Variants in MAL2 observed in about 807,000 individuals in gnomAD.
MAL2 encodes mal, T cell differentiation protein 2.
Under a neutral mutation model 18.1 loss-of-function variants are expected in MAL2, and 17 were observed. The observed-to-expected ratio is 0.94, with a 90% CI of 0.64 to 1.41. The LOEUF is 1.41. Ranked by LOEUF, MAL2 falls within the 40% of genes most tolerant of loss-of-function variation. MAL2 has a pLI of 0.00. For synonymous variants in MAL2, 102 were observed against 102.3 expected, an observed-to-expected ratio of 1.00 and a Z score of 0.02; for missense variants, 222 against 231.9, an observed-to-expected ratio of 0.96 and a Z score of 0.28.
At position 119,227,309 on chromosome 8, in the gene MAL2, TTTG is replaced by T. The variant is rs553658976; in HGVS notation, c.303+5564_303+5566del. ...GTTTTGGTTTGGGCTTTTTGTGCAT[TTTG>T]TTGTTGTTGTTATTGTTTAAGGGAA... On this transcript the variant is annotated intron_variant, in intron 2 of 3. Coordinates refer to ENST00000614891, the MANE Select transcript of MAL2 (RefSeq NM_052886.3). 4.1e-4 allele frequency among the ~76,000 whole-genome samples: 62 copies of T among 152,256 alleles called. No homozygotes were observed. The Middle Eastern group carries it at 0.01, about 25-fold the overall frequency.
At chr8:119,221,163 G>A (rs1036090109) in intron 1 of MAL2, 1 of 166,110 alleles carries the variant, frequency 6.0e-6, no homozygotes, top group Non-Finnish European at 1.3e-5. Context: ...GGTTTATAGT[G>A]ATGTGAAGAG....
rs1351180083 is a variant in MAL2, at chr8:119,245,569, G to A, written c.*2081G>A. The A allele has an allele frequency of 1.3e-5, 2 of 152,552 alleles. No individual in the cohort carries two copies. The highest frequency in any genetic ancestry group is 2.9e-5 in the Non-Finnish European group (2 of 68,018). The allele number at this position is 152,552 out of a possible 1,614,324, so 9.4% of individuals were successfully genotyped here. A position where few individuals can be genotyped will look rare whatever the true frequency, so the allele number is the denominator to read the frequency against. ...TTTAAGAATTTAACATGTCTTAGCT[G>A]TAAAAATGAGAAAGTGTTGGTTGGT... On this transcript the variant is annotated 3_prime_UTR_variant, in exon 4 of 4. Coordinates refer to ENST00000614891, the MANE Select transcript of MAL2 (RefSeq NM_052886.3).
At chr8:119,219,157 T>C (rs1817414624) in intron 1 of MAL2, among the ~76,000 whole-genome samples, 3 of 152,232 alleles carry the variant, frequency 2.0e-5, no homozygotes, top group Admixed American at 1.3e-4. Flanking sequence ...ATTTATTTCA[T>C]AACACTTTCT....
At chr8:119,223,781 TTTC>T (rs1218954217) in intron 2 of MAL2, 3 of 152,200 alleles carry the variant, frequency 2.0e-5, no homozygotes, top group South Asian at 2.1e-4. Context: ...CTTCTCTTTT[TTTC>T]TTCTTTTGTG....
chr8:119,225,041 C>T (rs1817555418), intron 2 of MAL2, among the ~76,000 whole-genome samples: 1 of 151,884 alleles, frequency 6.6e-6, no homozygotes, highest in Non-Finnish European at 1.5e-5. Flanking sequence ...ACGAGGATCC[C>T]CCTATAGACG....
At chr8:119,235,858 A>T (rs1348565644) in intron 2 of MAL2, among the ~76,000 whole-genome samples, 1 of 125,844 alleles carries the variant, frequency 7.9e-6, no homozygotes, top group Non-Finnish European at 1.6e-5. Context: ...TGTAAAGACC[A>T]TCAAGACTAG....
At chr8:119,212,466 C>T (rs1817282037) in intron 1 of MAL2, among the ~76,000 whole-genome samples, 1 of 152,186 alleles carries the variant, frequency 6.6e-6, no homozygotes, top group Non-Finnish European at 1.5e-5. Flanking sequence ...TACTATGCAT[C>T]AAGCCTTCTT....
chr8:119,228,186 A>G (rs1434636447), intron 2 of MAL2, among the ~76,000 whole-genome samples: 1 of 152,092 alleles, frequency 6.6e-6, no homozygotes, highest in African/African-American at 2.4e-5. Flanking sequence ...TACCTTTGTC[A>G]AGATGGTAAC....
intron 2 of MAL2, among the ~76,000 whole-genome samples, chr8:119,233,160 C>T (rs1439219438): frequency 6.6e-6 from 1 of 152,082 alleles, no homozygotes; most frequent in Non-Finnish European, 1.5e-5. Flanking sequence ...ATCTCTGGGA[C>T]ACATTCAAAG....
intron 2 of MAL2, among the ~76,000 whole-genome samples, chr8:119,230,433 C>G (rs1454742004): frequency 6.7e-6 from 1 of 149,044 alleles, no homozygotes; most frequent in African/African-American, 2.5e-5. Flanking sequence ...GCAAAATTGG[C>G]AGGATTGGGG....
At chr8:119,220,362 G>A (rs1272801209) in intron 1 of MAL2, among the ~76,000 whole-genome samples, 1 of 152,154 alleles carries the variant, frequency 6.6e-6, no homozygotes, top group African/African-American at 2.4e-5. Context: ...TGGTCTAACA[G>A]TCTCCTGTGT....
In MAL2 at chr8:119,221,943, G is replaced by A. The variant is rs546895878; in HGVS notation, c.303+186G>A. Among the ~76,000 whole-genome samples, 36 of 152,070 alleles carry A rather than the reference G, an allele frequency of 2.4e-4. No individual in the cohort carries two copies. In the East Asian group the frequency reaches 3.7e-3, roughly 16 times the overall value. The stretch of plus-strand genomic sequence containing the variant: ...GATGGACAACAGGGCCCCAGTTTGC[G>A]AAATCTCTGTGTTGATAGAGCTGAG... On this transcript the variant is annotated intron_variant, in intron 2 of 3. Transcript: ENST00000614891.
chr8:119,234,375 C>G (rs1287312058), intron 2 of MAL2, among the ~76,000 whole-genome samples: 3 of 152,190 alleles, frequency 2.0e-5, no homozygotes, highest in Admixed American at 6.5e-5. Flanking sequence ...GGCAACAAGG[C>G]TGGGGGAGGG....
intron 3 of MAL2, among the ~76,000 whole-genome samples, chr8:119,240,905 T>G (rs1818034878): frequency 6.6e-6 from 1 of 152,188 alleles, no homozygotes; most frequent in Non-Finnish European, 1.5e-5. Context: ...CATCTTTAAT[T>G]CGTATACTGG....
Position 119,208,520 on chromosome 8 carries a change from G to C in MAL2, c.48G>C (p.Val16=). The change falls in exon 1 of 4, where the codon GTG becomes GTC. Residue 16 remains valine (V), a synonymous_variant. Coordinates refer to ENST00000614891, the MANE Select transcript of MAL2 (RefSeq NM_052886.3). The surrounding 1 kb of genome is among the most constrained non-coding windows in gnomAD (Gnocchi z 4.3). The stretch of plus-strand genomic sequence containing the variant: ...TCCCGCCGCCCCCGAACCCCGCCGT[G>C]TCCTTCCCGCCGCCCCGGGTCACCC... ...ASVPPPPNPA[V]SFPPPRVTLP... 7.2e-7 allele frequency: 1 copy of C among 1,382,086 alleles called. No homozygotes were observed. The highest frequency in any genetic ancestry group is 9.4e-7 in the Non-Finnish European group (1 of 1,063,816). The allele number at this position is 1,382,086 out of a possible 1,614,324, so 85.6% of individuals were successfully genotyped here.
At position 119,241,694 on chromosome 8, in the gene MAL2, G is replaced by A. The variant is rs541136274; in HGVS notation, c.459+1374G>A. Among the ~76,000 whole-genome samples the A allele has an allele frequency of 7.9e-5, 12 of 152,252 alleles. No individual in the cohort carries two copies. The South Asian group carries it at 2.5e-3, about 32-fold the overall frequency. ...ATTTGTCAAAATTTATTGAGTGCCT[G>A]CAATGAATTAGGCTGAAGGTGGGAT... On this transcript the variant is annotated intron_variant, in intron 3 of 3. Coordinates refer to ENST00000614891, the MANE Select transcript of MAL2 (RefSeq NM_052886.3).
At chr8:119,232,962 A>T (rs1386057031) in intron 2 of MAL2, among the ~76,000 whole-genome samples, 1 of 152,190 alleles carries the variant, frequency 6.6e-6, no homozygotes, top group Non-Finnish European at 1.5e-5. Flanking sequence ...ACAGTTTGTT[A>T]TAATTTCTGA....
intron 2 of MAL2, among the ~76,000 whole-genome samples, chr8:119,231,176 C>G (rs1318282807): frequency 6.6e-6 from 1 of 152,110 alleles, no homozygotes; most frequent in Non-Finnish European, 1.5e-5. Context: ...GGACCACAGG[C>G]GCCCGCCACC....
chr8:119,213,353 G>A (rs1001557033), intron 1 of MAL2, among the ~76,000 whole-genome samples: 1 of 140,500 alleles, frequency 7.1e-6, no homozygotes, highest in Non-Finnish European at 1.5e-5. Context: ...ACATGTATAT[G>A]TTCTGATGTA....
Sources: gnomAD v4.1 joint callset for allele counts (sites outside exome capture counted in the v4.1 genomes callset) on GRCh38, gnomAD v4.1.1 for gene constraint, Gnocchi (gnomAD v3.1) non-coding constraint, MANE v1.5 for transcripts, NCBI Gene and HGNC (gene_info 2026-07-23, HGNC 2026-07-21) for gene names.